Variants in UBAC2 observed in about 807,000 individuals in gnomAD.
The protein encoded by UBAC2 is ubiquitin-associated domain-containing protein 2.
A neutral mutation model predicts 44.0 loss-of-function variants in UBAC2; 26 were observed. The ratio of observed to expected loss-of-function variants is 0.59; its 90% CI spans 0.43 to 0.82. The LOEUF (loss-of-function observed/expected upper bound fraction) is 0.82, where lower values mean the gene tolerates loss of function less well. Ranked by LOEUF, UBAC2 falls within the 40% of genes least tolerant of loss-of-function variation. UBAC2 has a pLI of 0.00. For missense variants in UBAC2, 329 were observed against 419.4 expected, an observed-to-expected ratio of 0.78 and a Z score of 1.88; for synonymous variants, 155 against 154.3, an observed-to-expected ratio of 1.00 and a Z score of -0.04.
At chr13:99,228,103 G>A (rs1032920066) in intron 1 of UBAC2, among the ~76,000 whole-genome samples, 2 of 152,110 alleles carry the variant, frequency 1.3e-5, no homozygotes, top group Non-Finnish European at 2.9e-5. Context: ...GACTGACGGG[G>A]CCCATTGCAC....
chr13:99,336,616 A>G (rs1257045718), intron 6 of UBAC2, among the ~76,000 whole-genome samples: 1 of 151,956 alleles, frequency 6.6e-6, no homozygotes, highest in Non-Finnish European at 1.5e-5. Flanking sequence ...TGAGGATCCT[A>G]TTTCTAGGCT....
chr13:99,216,905 A>G (rs1274494432), intron 1 of UBAC2, among the ~76,000 whole-genome samples: 1 of 149,038 alleles, frequency 6.7e-6, no homozygotes, highest in Non-Finnish European at 1.5e-5. Flanking sequence ...ATCTTGGCTC[A>G]CTGCAAACTC....
intron 7 of UBAC2, among the ~76,000 whole-genome samples, chr13:99,347,319 G>GGC (rs2045000629): frequency 3.9e-4 from 8 of 20,554 alleles, no homozygotes; most frequent in Admixed American, 1.4e-3. Flanking sequence ...ATCCCCGGGC[G>GGC]CCCCCCCCCC....
At chr13:99,331,733 T>G (rs1385553251) in intron 6 of UBAC2, among the ~76,000 whole-genome samples, 1 of 152,248 alleles carries the variant, frequency 6.6e-6, no homozygotes, top group Non-Finnish European at 1.5e-5. Flanking sequence ...CTAATTTGCA[T>G]TCACATTCTT....
At chr13:99,277,747 T>G (rs1218861428) in intron 4 of UBAC2, among the ~76,000 whole-genome samples, 1 of 152,186 alleles carries the variant, frequency 6.6e-6, no homozygotes, top group Non-Finnish European at 1.5e-5. Context: ...CTCTATTGTC[T>G]CACTTTCTGG....
At chr13:99,215,095 T>A (rs909075074) in intron 1 of UBAC2, among the ~76,000 whole-genome samples, 3 of 152,124 alleles carry the variant, frequency 2.0e-5, no homozygotes, top group African/African-American at 7.2e-5. Flanking sequence ...TGCATTACAA[T>A]TAAAATCCAA....
At chr13:99,375,801 C>CTTTT (rs34318354) in intron 8 of UBAC2, among the ~76,000 whole-genome samples, 19 of 110,902 alleles carry the variant, frequency 1.7e-4, no homozygotes, top group African/African-American at 3.4e-4. Flanking sequence ...TCCTTTTTCC[C>CTTTT]TTTTTTTTTT....
intron 4 of UBAC2, chr13:99,255,693 A>G (rs147490848): frequency 3.9e-4 from 637 of 1,614,126 alleles, no homozygotes; most frequent in Admixed American, 5.7e-4. Context: ...CATTCATCAT[A>G]TAGATGGTTA....
At chr13:99,296,615 A>G (rs2044178121) in intron 4 of UBAC2, among the ~76,000 whole-genome samples, 1 of 152,204 alleles carries the variant, frequency 6.6e-6, no homozygotes, top group African/African-American at 2.4e-5. Flanking sequence ...CCAAATGCAT[A>G]TCACTGCCAG....
At chr13:99,202,944 A>G (rs1037152456) in intron 1 of UBAC2, among the ~76,000 whole-genome samples, 2 of 152,240 alleles carry the variant, frequency 1.3e-5, no homozygotes, top group African/African-American at 2.4e-5. Context: ...ACTGGTCATT[A>G]GAAAAGGCTG....
At chr13:99,242,829 T>C (rs1387848128) in intron 2 of UBAC2, among the ~76,000 whole-genome samples, 4 of 127,934 alleles carry the variant, frequency 3.1e-5, no homozygotes, top group Admixed American at 7.7e-5. Flanking sequence ...TCCTCACTTC[T>C]CAGACGGGGC....
At chr13:99,246,191 A>C (rs2043381333) in intron 4 of UBAC2, among the ~76,000 whole-genome samples, 1 of 152,196 alleles carries the variant, frequency 6.6e-6, no homozygotes, top group African/African-American at 2.4e-5. Flanking sequence ...TGTGAATTAT[A>C]GTTGGTGTGA....
At chr13:99,244,389 A>G (rs1279696295) in intron 3 of UBAC2, 126 bp from the exon 4 acceptor site, 4 of 603,612 alleles carry the variant, frequency 6.6e-6, no homozygotes, top group South Asian at 2.3e-5. Context: ...ACACATATGC[A>G]TGTGTGTATA....
intron 7 of UBAC2, among the ~76,000 whole-genome samples, chr13:99,348,417 A>T (rs958892019): frequency 1.3e-5 from 2 of 152,164 alleles, no homozygotes; most frequent in Non-Finnish European, 2.9e-5. Flanking sequence ...TGAGGCCAGC[A>T]TTGGGGCAGG....
At chr13:99,304,026 G>A (rs1027354310) in intron 4 of UBAC2, among the ~76,000 whole-genome samples, 3 of 152,072 alleles carry the variant, frequency 2.0e-5, no homozygotes, top group Non-Finnish European at 4.4e-5. Flanking sequence ...CCGCAGCCAC[G>A]GCAGCAGCTT....
At chr13:99,276,902 T>C (rs2043890678) in intron 4 of UBAC2, among the ~76,000 whole-genome samples, 1 of 152,124 alleles carries the variant, frequency 6.6e-6, no homozygotes, top group Non-Finnish European at 1.5e-5. Context: ...AGCAGGTGGG[T>C]AGAGTTCAGG....
At chr13:99,262,776 A>G (rs1385474134) in intron 4 of UBAC2, among the ~76,000 whole-genome samples, 1 of 148,946 alleles carries the variant, frequency 6.7e-6, no homozygotes, top group African/African-American at 2.4e-5. Flanking sequence ...GAGATGTGTT[A>G]TCAGGTTATT....
intron 7 of UBAC2, among the ~76,000 whole-genome samples, chr13:99,362,934 T>G (rs1323377351): frequency 6.6e-6 from 1 of 152,272 alleles, no homozygotes; most frequent in East Asian, 1.9e-4. Context: ...GATTTATACT[T>G]CGTATTTCTG....
chr13:99,213,360 C>CT (rs917515837), intron 1 of UBAC2, among the ~76,000 whole-genome samples: 8 of 150,562 alleles, frequency 5.3e-5, no homozygotes, highest in South Asian at 2.1e-4. Flanking sequence ...CTATCCATAA[C>CT]TTTTTTTTTG....
Sources: allele counts gnomAD v4.1 joint callset (sites outside exome capture counted in the v4.1 genomes callset), GRCh38; gene constraint gnomAD v4.1.1; transcripts MANE v1.5; gene names NCBI Gene and HGNC (gene_info 2026-07-23, HGNC 2026-07-21).